MYH15: variants seen among roughly 807,000 people sequenced by gnomAD.
The protein encoded by MYH15 is myosin heavy chain 15.
A neutral mutation model predicts 240.5 loss-of-function variants in MYH15; 227 were observed. The observed-to-expected ratio is 0.94, with a 90% CI of 0.85 to 1.05. The LOEUF is 1.05. MYH15 is among the 50% of genes least tolerant of loss of function. The pLI is 0.00. For missense variants in MYH15, 2,217 were observed against 2,247.5 expected, an observed-to-expected ratio of 0.99 and a Z score of 0.27; for synonymous variants, 785 against 796.7, an observed-to-expected ratio of 0.99 and a Z score of 0.25.
intron 30 of MYH15, among the ~76,000 whole-genome samples, chr3:108,412,309 G>A (rs965974660): frequency 6.6e-6 from 1 of 152,096 alleles, no homozygotes; most frequent in African/African-American, 2.4e-5. Context: ...TTTTATAAGG[G>A]GCTTTCCCCT....
At chr3:108,395,619 T>G (rs2082453989) in intron 35 of MYH15, among the ~76,000 whole-genome samples, 1 of 147,132 alleles carries the variant, frequency 6.8e-6, no homozygotes, top group African/African-American at 2.5e-5. Context: ...CTCTCTAATT[T>G]GTTTTTTTTT....
At chr3:108,385,562 G>A (rs1332012328) in intron 38 of MYH15, among the ~76,000 whole-genome samples, 1 of 152,130 alleles carries the variant, frequency 6.6e-6, no homozygotes, top group Non-Finnish European at 1.5e-5. Flanking sequence ...ATAGGGGTCT[G>A]CCTGCCCCCT....
the MYH15 span, among the ~76,000 whole-genome samples, chr3:108,536,550 G>C: frequency 6.6e-6 from 1 of 152,172 alleles, no homozygotes; most frequent in Non-Finnish European, 1.5e-5. Flanking sequence ...AGGGGAGAAA[G>C]GTGCTAACAT....
chr3:108,388,792 G>A (rs1252734220), intron 38 of MYH15, among the ~76,000 whole-genome samples, 178 bp downstream of exon 38: 4 of 152,148 alleles, frequency 2.6e-5, no homozygotes, highest in African/African-American at 7.2e-5. Context: ...AAAAGAGACC[G>A]ATCCAAACCA....
chr3:108,441,279 A>C lies in MYH15; in HGVS notation c.2656-19T>G, dbSNP rs200923795. On this transcript the variant is annotated intron_variant, in intron 22 of 40. Transcript: ENST00000693548. ...CTTGCTCCTGCCATGATGAGGAGAA[A>C]ATTGTTGCCAACAGCTGGAAGTAAT... The C allele has an allele frequency of 2.7e-5, 44 of 1,612,066 alleles. No homozygotes were observed. In the African/African-American group the frequency reaches 5.5e-4, roughly 20 times the overall value.
chr3:108,491,504 C>G (rs2083348088), intron 9 of MYH15, among the ~76,000 whole-genome samples: 1 of 152,162 alleles, frequency 6.6e-6, no homozygotes, highest in Admixed American at 6.5e-5. Context: ...CAAGACCTGT[C>G]TATTCTTCCA....
chr3:108,422,883 C>A (rs2107556256), intron 27 of MYH15, among the ~76,000 whole-genome samples: 1 of 152,314 alleles, frequency 6.6e-6, no homozygotes, highest in Middle Eastern at 3.4e-3. Context: ...TGGAAAACTT[C>A]TGTATCAGCC....
At chr3:108,386,652 C>T (rs893600831) in intron 38 of MYH15, among the ~76,000 whole-genome samples, 3 of 151,878 alleles carry the variant, frequency 2.0e-5, no homozygotes, top group Admixed American at 6.6e-5. Flanking sequence ...CCCTTCACGT[C>T]TCTGCCCCAT....
At position 108,510,456 on chromosome 3, in the gene MYH15, G is replaced by T; in HGVS notation, c.75C>A (p.Ala25=). 6.2e-7 allele frequency: 1 copy of T among 1,611,654 alleles called. No individual in the cohort carries two copies. Among genetic ancestry groups the T allele is most frequent in the Non-Finnish European group, 8.5e-7 (1 of 1,179,192 alleles). The change falls in exon 1 of 41, where the codon GCC becomes GCA. Residue 25 remains alanine, a synonymous_variant. Transcript: ENST00000693548. ...CACATGTCTCACCATCCAAGGCTGT[G>T]GCCTGTAGTAGAAGCAGCTCAGCTT... ...RSEAELLLLQ[A]TALDGKKKCW...
At chr3:108,522,912 C>T (rs970426988) in intron 1 of MYH15, among the ~76,000 whole-genome samples, 49 of 152,116 alleles carry the variant, frequency 3.2e-4, no homozygotes, top group African/African-American at 1.1e-3. Flanking sequence ...GCATCTTCCA[C>T]GCAGATTTGC....
At chr3:108,387,779 G>A (rs901960838) in intron 38 of MYH15, among the ~76,000 whole-genome samples, 1 of 152,188 alleles carries the variant, frequency 6.6e-6, no homozygotes, top group African/African-American at 2.4e-5. Flanking sequence ...ACCTAGCATG[G>A]TCTAAAGAAG....
At chr3:108,492,226 ACT>A (rs1491422394) in intron 9 of MYH15, among the ~76,000 whole-genome samples, 38 of 138,658 alleles carry the variant, frequency 2.7e-4, no homozygotes, top group South Asian at 1.1e-3. Context: ...ACACACACAC[ACT>A]CACTCACCTC....
At chr3:108,481,104 T>A (rs2083263067) in intron 11 of MYH15, among the ~76,000 whole-genome samples, 1 of 152,236 alleles carries the variant, frequency 6.6e-6, no homozygotes, top group African/African-American at 2.4e-5. Flanking sequence ...TACAATGGAA[T>A]ATTTTGTAGC....
At chr3:108,500,813 T>C (rs2107237246) in intron 3 of MYH15, among the ~76,000 whole-genome samples, 1 of 152,326 alleles carries the variant, frequency 6.6e-6, no homozygotes, top group East Asian at 1.9e-4. Context: ...GATGATGACA[T>C]CCAGGTGGGT....
intron 28 of MYH15, among the ~76,000 whole-genome samples, chr3:108,418,425 C>G (rs1224103738): frequency 1.3e-5 from 2 of 152,186 alleles, no homozygotes; most frequent in Non-Finnish European, 2.9e-5. Flanking sequence ...TGTTTTAGTG[C>G]TACTACCTTG....
chr3:108,385,574 T>C (rs2082377117), intron 38 of MYH15, among the ~76,000 whole-genome samples: 1 of 152,188 alleles, frequency 6.6e-6, no homozygotes, highest in Non-Finnish European at 1.5e-5. Context: ...CTGCCCCCTC[T>C]TTCCTCATGC....
At chr3:108,463,473 C>A (rs2083088593) in intron 15 of MYH15, among the ~76,000 whole-genome samples, 1 of 151,964 alleles carries the variant, frequency 6.6e-6, no homozygotes, top group South Asian at 2.1e-4. Flanking sequence ...TGCCACCATG[C>A]CTGGCTAATT....
At chr3:108,512,704 T>C (rs890595622), upstream of MYH15, among the ~76,000 whole-genome samples, 3 of 152,134 alleles carry the variant, frequency 2.0e-5, no homozygotes, top group African/African-American at 7.2e-5. Flanking sequence ...ACAGATTTTT[T>C]ACAAGTAGTT....
At chr3:108,481,735 TA>T (rs1252518449) in intron 11 of MYH15, among the ~76,000 whole-genome samples, 2 of 151,928 alleles carry the variant, frequency 1.3e-5, no homozygotes, top group Non-Finnish European at 2.9e-5. Flanking sequence ...CTACTAACGG[TA>T]GGGATTAGAG....
Sources: gnomAD v4.1 joint callset for allele counts (sites outside exome capture counted in the v4.1 genomes callset) on GRCh38, gnomAD v4.1.1 for gene constraint, MANE v1.5 for transcripts, NCBI Gene and HGNC (gene_info 2026-07-23, HGNC 2026-07-21) for gene names.